TSPOAP1: variants seen among roughly 807,000 people sequenced by gnomAD.
TSPOAP1 encodes TSPO associated protein 1, also known as peripheral-type benzodiazepine receptor-associated protein 1.
In TSPOAP1, 87 loss-of-function variants were observed where a neutral mutation model predicts 197.0. That is an observed-to-expected ratio of 0.44 (90% CI 0.37 to 0.53). The LOEUF is 0.53. TSPOAP1 is among the 20% of genes least tolerant of loss of function. The pLI is 0.00. For synonymous variants in TSPOAP1, 913 were observed against 998.9 expected (o/e 0.91, Z 1.62); for missense variants, 2,174 against 2,411.3 (o/e 0.90, Z 2.06).
rs375185108 is a variant in TSPOAP1, at chr17:58,312,304, C to T, written c.2517G>A (p.Ala839=). 91 of 1,612,738 alleles carry T rather than the reference C, an allele frequency of 5.6e-5. No individual in the cohort carries two copies. The African/African-American group carries it at 6.1e-4, about 11-fold the overall frequency. ...GGTTCTCCAGCACGGCCTTGGGTGG[C>T]GCCCCAGGCCCCAGGGCCTGTCGCA... ...GELRQALGPG[A]PPKAVLENLD... The change falls in exon 17 of 32, where the codon GCG becomes GCA. Residue 839 remains alanine (A), a synonymous_variant. Transcript: ENST00000343736.
chr17:58,322,457 A>T lies in TSPOAP1; in HGVS notation c.1318-45T>A, dbSNP rs1160792082. The T allele has an allele frequency of 1.9e-6, 3 of 1,592,304 alleles. No individual in the cohort carries two copies. Among genetic ancestry groups the T allele is most frequent in the Non-Finnish European group, 2.6e-6 (3 of 1,172,738 alleles). ...TCAAGGCCAGAGCCCCTACTTGGCC[A>T]TTTCTAGAGAAGATCTAAGATGAGG... On this transcript the variant is annotated intron_variant, in intron 9 of 31. Coordinates refer to ENST00000343736, the MANE Select transcript of TSPOAP1 (RefSeq NM_004758.4). This position sits in a 1 kb window ranked among gnomAD's most constrained non-coding sequence, Gnocchi z 5.0.
At position 58,311,072 on chromosome 17, in the gene TSPOAP1, T is replaced by C. The variant is rs1197989708; in HGVS notation, c.3223A>G (p.Thr1075Ala). The change falls in exon 19 of 32, where the codon ACT becomes GCT. Residue 1075 changes from threonine (T) to alanine (A), a missense_variant. Thr to Ala is a moderately conservative substitution (Grantham distance 58). This residue lies in a region of TSPOAP1 where 1,933 missense variants were observed against 2,139.0 expected (regional missense o/e 0.90). Transcript: ENST00000343736. ...ESADSIPAPI[T>A]PALAPASLPA... ...AGGCTGGCCGGAGCCAGGGCGGGAG[T>C]GATAGGAGCCGGGATGGAGTCCGCC... 5 of 1,577,514 alleles carry C rather than the reference T, an allele frequency of 3.2e-6. No individual in the cohort carries two copies. Among genetic ancestry groups the C allele is most frequent in the Non-Finnish European group, 4.3e-6 (5 of 1,162,424 alleles).
rs371931022 is a variant in TSPOAP1 at position 58,309,155 on chromosome 17, G to C, written c.4117C>G (p.Gln1373Glu). ...GGACACTGGCCAGGTCTTCGGGGCT[G>C]ACCACTGTCACAGCCCAGCCCCAGC... ...ALLGLGCDSG[Q>E]PRRPGQCPLS... Residue 1373 changes from glutamine to glutamate, a missense_variant, in exon 22 of 32, where the codon CAG (glutamine) becomes GAG (glutamate). Gln to Glu is a conservative substitution (Grantham distance 29, BLOSUM62 2). This residue lies in a region of TSPOAP1 where 1,933 missense variants were observed against 2,139.0 expected (regional missense o/e 0.90). Transcript: ENST00000343736. The surrounding 1 kb of genome is among the most constrained non-coding windows in gnomAD (Gnocchi z 5.0). 3 of 1,613,972 alleles carry C rather than the reference G, an allele frequency of 1.9e-6. No homozygotes were observed. Among genetic ancestry groups the C allele is most frequent in the Non-Finnish European group, 2.5e-6 (3 of 1,180,034 alleles).
chr17:58,323,131 C>G, intron 7 of TSPOAP1, 92 bp from the exon 8 acceptor site: 8 of 1,491,842 alleles, frequency 5.4e-6, no homozygotes, highest in Non-Finnish European at 7.4e-6. Flanking sequence ...CCAGGCAAGG[C>G]CTTCCTCCCC....
rs1383968804 is a variant in TSPOAP1, at chr17:58,324,963, G to C, written c.790C>G (p.Leu264Val). Residue 264 changes from leucine to valine, a missense_variant, in exon 5 of 32, where the codon CTG (leucine) becomes GTG (valine). By Grantham distance (32) the Leu-to-Val change is conservative (BLOSUM62 1). Transcript: ENST00000343736. This position sits in a 1 kb window ranked among gnomAD's most constrained non-coding sequence, Gnocchi z 5.8. ...QWLHVRDFDR[L>V]LRESQREVLR... ...ACCTCCCGCTGGGACTCGCGCAGCAGCCGATCGAAGTCCCGCACGTGGAGC... is the reference window on the plus strand; with the variant it reads ...ACCTCCCGCTGGGACTCGCGCAGCACCCGATCGAAGTCCCGCACGTGGAGC... 6.5e-7 allele frequency: 1 copy of C among 1,539,536 alleles called. No individual in the cohort carries two copies. The highest frequency in any genetic ancestry group is 8.7e-7 in the Non-Finnish European group (1 of 1,144,168).
chr17:58,314,227 G>T (rs1242695971), intron 16 of TSPOAP1, among the ~76,000 whole-genome samples: 2 of 152,180 alleles, frequency 1.3e-5, no homozygotes, highest in African/African-American at 4.8e-5. Flanking sequence ...TAAGGAACTT[G>T]AAGAAACAAG....
rs1165586749 is a variant in TSPOAP1, at chr17:58,316,461, C to T, written c.1952G>A (p.Gly651Glu). ...LLPAAPEGSR[G>E]GARIQVFLAR... The stretch of plus-strand genomic sequence containing the variant: ...TAGGAAGACCTGGATCCTGGCTCCT[C>T]CCCGGCTGCCCTCTGGCGCAGCTGG... The change falls in exon 15 of 32, where the codon GGA (glycine) becomes GAA (glutamate). Residue 651 changes from glycine (G) to glutamate (E), a missense_variant. Transcript: ENST00000343736. 5 of 1,613,702 alleles carry T rather than the reference C, an allele frequency of 3.1e-6. No homozygotes were observed. Among genetic ancestry groups the T allele is most frequent in the South Asian group, 1.1e-5 (1 of 91,046 alleles).
intron 16 of TSPOAP1, 37 bp downstream of exon 16, chr17:58,315,986 G>A: frequency 6.7e-7 from 1 of 1,489,138 alleles, no homozygotes; most frequent in Non-Finnish European, 9.4e-7. Context: ...CTCAAAGGCA[G>A]GGGAATGGAC....
rs1006188301 is a variant in TSPOAP1 at position 58,301,937 on chromosome 17, G to A, written c.*543C>T. On this transcript the variant is annotated 3_prime_UTR_variant, in exon 32 of 32. Coordinates refer to ENST00000343736, the MANE Select transcript of TSPOAP1 (RefSeq NM_004758.4). ...GGGAAGGGTGGCAGAAGGGACTAGC[G>A]CAGCACTGTGGGACACTAGTAGACG... 1.6e-4 allele frequency: 34 copies of A among 206,306 alleles called. No individual in the cohort carries two copies. The highest frequency in any genetic ancestry group is 1.4e-3 in the Admixed American group (26 of 18,462). 12.8% of individuals were successfully genotyped at this position (206,306 alleles called of 1,614,324 possible).
intron 14 of TSPOAP1, among the ~76,000 whole-genome samples, chr17:58,317,490 A>G (rs557155056): frequency 6.6e-6 from 1 of 152,232 alleles, no homozygotes; most frequent in South Asian, 2.1e-4. Flanking sequence ...TTCTCTGCCA[A>G]TGCCTGGGAG....
rs1293325820 is a variant in TSPOAP1 at position 58,310,045 on chromosome 17, C to G, written c.3813G>C (p.Glu1271Asp). Residue 1271 changes from glutamate to aspartate, a missense_variant, in exon 21 of 32, where the codon GAG becomes GAC. Glu to Asp is a conservative substitution (Grantham distance 45, BLOSUM62 2). Coordinates refer to ENST00000343736, the MANE Select transcript of TSPOAP1 (RefSeq NM_004758.4). ...AAGTCCTGGAACCCAGCTCCTCTTC[C>G]TCCTCCTCCTCCTCCTCTTCCTCTT... ...QEEEEEEEEE[E>D]EEELGSRTCS... 1 of 1,590,198 alleles carries G rather than the reference C, an allele frequency of 6.3e-7. No individual in the cohort carries two copies. The highest frequency in any genetic ancestry group is 2.3e-5 in the East Asian group (1 of 43,960).
chr17:58,326,482 C>A lies in TSPOAP1; in HGVS notation c.442-61G>T. The A allele has an allele frequency of 6.3e-7, 1 of 1,595,800 alleles. No homozygotes were observed. The highest frequency in any genetic ancestry group is 8.5e-7 in the Non-Finnish European group (1 of 1,170,882). ...GAGCACCCCACAGACCCAGTCCTAA[C>A]AGCCCAAGTCTTGGGCTAGAGCCCT... On this transcript the variant is annotated intron_variant, in intron 2 of 31. Transcript: ENST00000343736. The surrounding 1 kb of genome is among the most constrained non-coding windows in gnomAD (Gnocchi z 4.7).
Position 58,311,090 on chromosome 17 carries a change from A to T in TSPOAP1, c.3205T>A (p.Ser1069Thr). The change falls in exon 19 of 32, where the codon TCC becomes ACC. Residue 1069 changes from serine (S) to threonine (T), a missense_variant. Transcript: ENST00000343736. ...GCGGGAGTGATAGGAGCCGGGATGGAGTCCGCCGACTCCCCGTGGGGCGAC... is the reference window on the plus strand; with the variant it reads ...GCGGGAGTGATAGGAGCCGGGATGGTGTCCGCCGACTCCCCGTGGGGCGAC... ...TMSPHGESAD[S>T]IPAPITPALA... is the part of the protein sequence containing the mutation. The T allele has an allele frequency of 6.3e-7, 1 of 1,584,600 alleles. No homozygotes were observed. Among genetic ancestry groups the T allele is most frequent in the Middle Eastern group, 1.7e-4 (1 of 5,958 alleles).
Position 58,328,103 on chromosome 17 carries a change from G to T in TSPOAP1, c.-183C>A. Reference sequence around the variant, plus strand: ...GGAGGCTGCAGAAGGCGCCAGGGCTGCTGGAGCTGGAGCCAGGGGTATGTG... The same window carrying T: ...GGAGGCTGCAGAAGGCGCCAGGGCTTCTGGAGCTGGAGCCAGGGGTATGTG... On this transcript the variant is annotated 5_prime_UTR_variant, in exon 1 of 32. Transcript: ENST00000343736. The surrounding 1 kb of genome is among the most constrained non-coding windows in gnomAD (Gnocchi z 4.3). 1 of 607,332 alleles carries T rather than the reference G, an allele frequency of 1.6e-6. No individual in the cohort carries two copies. Among genetic ancestry groups the T allele is most frequent in the Non-Finnish European group, 2.9e-6 (1 of 345,874 alleles). The allele number at this position is 607,332 out of a possible 1,614,324, so 37.6% of individuals were successfully genotyped here.
chr17:58,312,259 G>A lies in TSPOAP1; in HGVS notation c.2562C>T (p.Pro854=). 1 of 1,612,622 alleles carries A rather than the reference G, an allele frequency of 6.2e-7. No homozygotes were observed. The highest frequency in any genetic ancestry group is 8.5e-7 in the Non-Finnish European group (1 of 1,179,724). ...VLENLDLWAG[P]LHISVQALTS... is the part of the protein sequence containing the mutation. ...TCAGGGCCTGGACAGAAATGTGAAG[G>A]GGCCCGGCCCACAGGTCCAGGTTCT... The change falls in exon 17 of 32, where the codon CCC becomes CCT. Residue 854 remains proline, a synonymous_variant. Transcript: ENST00000343736.
In TSPOAP1 at chr17:58,310,960, G is replaced by T. The variant is rs772762161; in HGVS notation, c.3335C>A (p.Pro1112His). The T allele has an allele frequency of 6.3e-7, 1 of 1,585,964 alleles. No homozygotes were observed. The highest frequency in any genetic ancestry group is 8.6e-7 in the Non-Finnish European group (1 of 1,167,712). The change falls in exon 19 of 32, where the codon CCC (proline) becomes CAC (histidine). Residue 1112 changes from proline to histidine, a missense_variant. Pro to His is a moderately conservative substitution (Grantham distance 77). Transcript: ENST00000343736. ...AGCAGGGTGCTGGAGAGGAGAGCTG[G>T]GGTCTCCAGGCCCTGGGGAGGCTGA... ...LASASPGPGD[P>H]SSPLQHPAPL... is the part of the protein sequence containing the mutation.
intron 12 of TSPOAP1, 122 bp downstream of exon 12, chr17:58,319,987 A>T (rs1877001234): frequency 6.8e-6 from 9 of 1,323,314 alleles, no homozygotes. Context: ...ATGGATTCTC[A>T]TGCCTGCTCC....
intron 20 of TSPOAP1, among the ~76,000 whole-genome samples, 163 bp from the exon 21 acceptor site, chr17:58,310,321 G>A (rs1170895330): frequency 6.6e-6 from 1 of 152,212 alleles, no homozygotes; most frequent in African/African-American, 2.4e-5. Flanking sequence ...GGCAGGGTGG[G>A]AGAAGGGAGA....
Position 58,302,230 on chromosome 17 carries a change from T to C in TSPOAP1, c.*250A>G. 3 of 1,287,368 alleles carry C rather than the reference T, an allele frequency of 2.3e-6. No homozygotes were observed. The South Asian group carries it at 3.7e-5, about 16-fold the overall frequency. The allele number at this position is 1,287,368 out of a possible 1,614,324, so 79.7% of individuals were successfully genotyped here. The stretch of plus-strand genomic sequence containing the variant: ...CAGCAGAGACAGTGATCTGGGGGCC[T>C]CTCAGGGCCTCTTCTGCCTGCAGGA... On this transcript the variant is annotated 3_prime_UTR_variant, in exon 32 of 32. Coordinates refer to ENST00000343736, the MANE Select transcript of TSPOAP1 (RefSeq NM_004758.4).
Sources: allele counts gnomAD v4.1 joint callset (sites outside exome capture counted in the v4.1 genomes callset), GRCh38; gene constraint gnomAD v4.1.1; regional missense constraint gnomAD v4.1.1; non-coding constraint Gnocchi (gnomAD v3.1); transcripts MANE v1.5; gene names NCBI Gene and HGNC (gene_info 2026-07-23, HGNC 2026-07-21).